Variants in SLC3A1 observed in about 807,000 individuals in gnomAD.
SLC3A1 encodes the protein solute carrier family 3 member 1.
Under a neutral mutation model 60.3 loss-of-function variants are expected in SLC3A1, and 78 were observed. That is an observed-to-expected ratio of 1.29 (90% CI 1.08 to 1.56). SLC3A1 has a LOEUF of 1.56. SLC3A1 is among the 40% of genes most tolerant of loss of function. The pLI, the probability that SLC3A1 is intolerant of heterozygous loss-of-function variation, is 0.00. For synonymous variants in SLC3A1, 392 were observed against 307.9 expected (o/e 1.27, Z -2.86); for missense variants, 1,172 against 858.9 (o/e 1.36, Z -4.56).
At chr2:44,315,213 G>C (rs1326584187) in intron 9 of SLC3A1, 2 of 151,966 alleles carry the variant, frequency 1.3e-5, no homozygotes, top group Non-Finnish European at 2.9e-5. Flanking sequence ...AAAGTGTTGG[G>C]ATTACAGGCG....
intron 1 of SLC3A1, among the ~76,000 whole-genome samples, chr2:44,278,826 T>C (rs1671409363): frequency 6.6e-6 from 1 of 152,082 alleles, no homozygotes; most frequent in South Asian, 2.1e-4. Context: ...ACAAGGGAAA[T>C]AGTCCAAATT....
At chr2:44,299,518 C>T (rs761285050) in intron 4 of SLC3A1, among the ~76,000 whole-genome samples, 44 of 152,186 alleles carry the variant, frequency 2.9e-4, no homozygotes, top group Non-Finnish European at 3.4e-4. Flanking sequence ...CTTCACCTCT[C>T]ATCTGCCTTC....
rs1671496789 is a variant in SLC3A1 at position 44,281,407 on chromosome 2, T to G, written c.631T>G (p.Phe211Val). 1 of 1,613,386 alleles carries G rather than the reference T, an allele frequency of 6.2e-7. No homozygotes were observed. ...ATTAGGTTTAAAATTAATCATCGAT[T>G]TCATACCAAACCACACGAGTGATAA... ...HDKGLKLIID[F>V]IPNHTSDKHI... The change falls in exon 3 of 10, where the codon TTC becomes GTC. Residue 211 changes from phenylalanine to valine, a missense_variant. By Grantham distance (50) the Phe-to-Val change is conservative. Transcript: ENST00000260649.
intron 7 of SLC3A1, among the ~76,000 whole-genome samples, chr2:44,308,575 A>G (rs1558466863): frequency 6.6e-6 from 1 of 152,068 alleles, no homozygotes; most frequent in Non-Finnish European, 1.5e-5. Flanking sequence ...TGTTCTTTTG[A>G]TATTATTGTA....
chr2:44,277,114 T>C (rs1418612916), intron 1 of SLC3A1, among the ~76,000 whole-genome samples: 1 of 148,700 alleles, frequency 6.7e-6, no homozygotes, highest in Non-Finnish European at 1.5e-5. Flanking sequence ...TTTTTTTTTT[T>C]TTTTTTTTTT....
intron 4 of SLC3A1, among the ~76,000 whole-genome samples, chr2:44,292,892 A>T (rs1353724957): frequency 6.6e-6 from 1 of 151,542 alleles, no homozygotes; most frequent in Non-Finnish European, 1.5e-5. Flanking sequence ...TTTTATTTTT[A>T]TTTTTTTTCA....
intron 1 of SLC3A1, among the ~76,000 whole-genome samples, chr2:44,279,588 G>A (rs554347040): frequency 1.3e-5 from 2 of 152,068 alleles, no homozygotes; most frequent in South Asian, 4.2e-4. Context: ...TACAATGGGA[G>A]CCACATAAGA....
chr2:44,284,405 G>A (rs1671567142), intron 3 of SLC3A1, among the ~76,000 whole-genome samples: 1 of 152,104 alleles, frequency 6.6e-6, no homozygotes, highest in Non-Finnish European at 1.5e-5. Context: ...AAATAACTAG[G>A]AGTAAAATTG....
chr2:44,308,063 G>A (rs1403371524), intron 7 of SLC3A1, among the ~76,000 whole-genome samples: 1 of 152,122 alleles, frequency 6.6e-6, no homozygotes, highest in African/African-American at 2.4e-5. Flanking sequence ...GAGCCCAGGA[G>A]TTCAAGTTTG....
chr2:44,309,947 T>C (rs1672252847), intron 7 of SLC3A1, among the ~76,000 whole-genome samples: 1 of 151,550 alleles, frequency 6.6e-6, no homozygotes, highest in African/African-American at 2.4e-5. Flanking sequence ...GCTGGAGCAC[T>C]GTGGTGTGAA....
chr2:44,297,064 C>G (rs529780035), intron 4 of SLC3A1, among the ~76,000 whole-genome samples: 3 of 152,316 alleles, frequency 2.0e-5, no homozygotes, highest in African/African-American at 7.2e-5. Flanking sequence ...TGAGAACAAA[C>G]TCTAATACAC....
intron 4 of SLC3A1, among the ~76,000 whole-genome samples, chr2:44,286,879 G>T (rs1166373994): frequency 6.6e-6 from 1 of 152,104 alleles, no homozygotes; most frequent in Non-Finnish European, 1.5e-5. Flanking sequence ...CTGCTGCAGG[G>T]AGGTGGGTCA....
rs557384052 is a variant in SLC3A1 at position 44,297,184 on chromosome 2, T to C, written c.892-2787T>C. Among the ~76,000 whole-genome samples the C allele has an allele frequency of 2.4e-4, 37 of 152,288 alleles. 1 individual carries two copies. The highest frequency in any genetic ancestry group is 3.4e-3 in the Middle Eastern group (1 of 294). ...GATGGTTCTGCTCTAAAATGATATA[T>C]ACATTCCTGTGAAACCTTCCATACA... On this transcript the variant is annotated intron_variant, in intron 4 of 9. Transcript: ENST00000260649.
intron 4 of SLC3A1, among the ~76,000 whole-genome samples, chr2:44,298,174 T>C (rs553206448): frequency 1.1e-4 from 12 of 109,990 alleles, no homozygotes; most frequent in Non-Finnish European, 2.3e-4. Flanking sequence ...TGATTCTTCA[T>C]ACATCAGATC....
At chr2:44,285,174 T>G (rs1010864075) in intron 3 of SLC3A1, 3 of 153,100 alleles carry the variant, frequency 2.0e-5, no homozygotes, top group Non-Finnish European at 2.9e-5. Context: ...GTGGGCTGTG[T>G]GTTGAATTGG....
downstream of SLC3A1, chr2:44,321,724 T>A (rs775155527): frequency 1.9e-6 from 3 of 1,602,018 alleles, no homozygotes; most frequent in African/African-American, 4.0e-5. Context: ...ATAGGACATT[T>A]GTGAAGTGGC....
intron 4 of SLC3A1, among the ~76,000 whole-genome samples, chr2:44,295,287 C>A (rs148115002): frequency 3.9e-5 from 6 of 152,130 alleles, no homozygotes; most frequent in African/African-American, 1.4e-4. Context: ...ACCAGGAGTG[C>A]GTGATGTCAT....
Position 44,303,827 on chromosome 2 carries a change from G to T in SLC3A1, c.1137-316G>T, listed in dbSNP as rs563994059. 6.5e-5 allele frequency: 33 copies of T among 510,632 alleles called. No homozygotes were observed. In the Admixed American group the frequency reaches 9.7e-4, roughly 15 times the overall value. The allele number at this position is 510,632 out of a possible 1,614,324, so 31.6% of individuals were successfully genotyped here. ...CTCCCACCTATGAGTGAGAACATGC[G>T]GTGTTTGGTTTTCTGTCCTTGTGAT... On this transcript the variant is annotated intron_variant, in intron 6 of 9. Transcript: ENST00000260649.
rs748925470 is a variant in SLC3A1 at position 44,320,284 on chromosome 2, G to C, written c.1703G>C (p.Gly568Ala). The change falls in exon 10 of 10, where the codon GGC (glycine) becomes GCC (alanine). Residue 568 changes from glycine (G) to alanine (A), a missense_variant. Transcript: ENST00000260649. The part of the protein sequence containing the change: ...LHANELLLNR[G>A]WFCHLRNDSH... ...GCCAATGAGCTACTCCTCAACAGGG[G>C]CTGGTTTTGCCATTTGAGGAATGAC... 6.2e-7 allele frequency: 1 copy of C among 1,613,914 alleles called. No homozygotes were observed. Among genetic ancestry groups the C allele is most frequent in the Non-Finnish European group, 8.5e-7 (1 of 1,179,938 alleles).
Sources: gnomAD v4.1 joint callset for allele counts (sites outside exome capture counted in the v4.1 genomes callset) on GRCh38, gnomAD v4.1.1 for gene constraint, MANE v1.5 for transcripts, NCBI Gene and HGNC (gene_info 2026-07-23, HGNC 2026-07-21) for gene names.